The following ABCB6 variants were observed in gnomAD, a reference collection of about 807,000 sequenced individuals.
ABCB6 encodes ATP-binding cassette sub-family B member 6.
ABCB6 carries 87 observed loss-of-function variants against 99.4 expected under a neutral mutation model. That is an observed-to-expected ratio of 0.88 (90% CI 0.74 to 1.05). ABCB6 has a LOEUF of 1.05. Among genes scored for constraint, ABCB6 ranks in the 50% least tolerant of loss-of-function variants. The probability of loss-of-function intolerance (pLI) is 0.00; values close to 1 mark genes in which losing one functional copy is unlikely to be tolerated. For missense variants in ABCB6, 1,050 were observed against 1,097.9 expected (o/e 0.96, Z 0.62); for synonymous variants, 482 against 447.5 (o/e 1.08, Z -0.97).
chr2:219,212,923 T>G, intron 13 of ABCB6, 85 bp downstream of exon 13: 22 of 1,473,890 alleles, frequency 1.5e-5, no homozygotes, highest in Non-Finnish European at 2.1e-5. Flanking sequence ...GCTCTCTGAC[T>G]CCACAGCCTG....
Position 219,218,749 on chromosome 2 carries a change from G to A in ABCB6, c.-76C>T, listed in dbSNP as rs1574820251. 7.0e-7 allele frequency: 1 copy of A among 1,433,556 alleles called. No individual in the cohort carries two copies. Among genetic ancestry groups the A allele is most frequent in the East Asian group, 2.5e-5 (1 of 39,452 alleles). The allele number at this position is 1,433,556 out of a possible 1,614,324, so 88.8% of individuals were successfully genotyped here. A position where few individuals can be genotyped will look rare whatever the true frequency, so the allele number is the denominator to read the frequency against. ...CGGGACTGGTCACTCGGAGAGGGGC[G>A]CGGACATCCGGGTGCCTTGGCTCAC... On this transcript the variant is annotated 5_prime_UTR_variant, in exon 1 of 19. Coordinates refer to ENST00000265316, the MANE Select transcript of ABCB6 (RefSeq NM_005689.4).
At position 219,214,434 on chromosome 2, in the gene ABCB6, G is replaced by A. The variant is rs750611759; in HGVS notation, c.1341C>T (p.Asn447=). Residue 447 remains asparagine, a synonymous_variant, in exon 7 of 19, where the codon AAC becomes AAT. Coordinates refer to ENST00000265316, the MANE Select transcript of ABCB6 (RefSeq NM_005689.4). ...KFRRAMNTQE[N]ATRARAVDSL... ...AGTCCACTGCTCGTGCCCGGGTAGC[G>A]TTCTCCTGTGTGTTCATAGCACGAC... The A allele has an allele frequency of 4.3e-6, 7 of 1,614,160 alleles. No individual in the cohort carries two copies. Among genetic ancestry groups the A allele is most frequent in the East Asian group, 2.2e-5 (1 of 44,884 alleles).
chr2:219,214,872 A>G (rs1457699641), intron 6 of ABCB6, 89 bp downstream of exon 6: 17 of 1,526,994 alleles, frequency 1.1e-5, no homozygotes, highest in Non-Finnish European at 1.3e-5. Context: ...ACAGCCTCCC[A>G]TAGGTGGGTC....
intron 7 of ABCB6, 77 bp from the exon 8 acceptor site, chr2:219,214,263 CTCCT>C (rs1325787767): frequency 6.5e-7 from 1 of 1,530,838 alleles, no homozygotes; most frequent in Non-Finnish European, 9.1e-7. Flanking sequence ...ACTCTCAATC[CTCCT>C]TCCTGAGTTC....
In ABCB6 at chr2:219,210,760, G is replaced by A. The variant is rs1418283746; in HGVS notation, c.2207C>T (p.Ala736Val). Residue 736 changes from alanine (A) to valine (V), a missense_variant, in exon 16 of 19, where the codon GCC becomes GTC. Ala to Val is a moderately conservative substitution (Grantham distance 64). Transcript: ENST00000265316. ...KLSGGEKQRV[A>V]IARTILKAPG... is the part of the protein sequence containing the mutation. ...AGCCTTGAGGATGGTGCGGGCAATG[G>A]CGACGCGCTGCTTCTCCCCGCCGCT... is the stretch of plus-strand genomic sequence containing the variant. 2 of 1,613,658 alleles carry A rather than the reference G, an allele frequency of 1.2e-6. No individual in the cohort carries two copies. The highest frequency in any genetic ancestry group is 1.7e-6 in the Non-Finnish European group (2 of 1,180,030).
At position 219,214,302 on chromosome 2, in the gene ABCB6, C is replaced by A; in HGVS notation, c.1386+87G>T. On this transcript the variant is annotated intron_variant, in intron 7 of 18. Coordinates refer to ENST00000265316, the MANE Select transcript of ABCB6 (RefSeq NM_005689.4). ...CAAACATCACACACAAACATCACAC[C>A]CCCAGCTCTCTGTCAGCCCCAGTGG... 3 of 1,473,244 alleles carry A rather than the reference C, an allele frequency of 2.0e-6. No homozygotes were observed. In the South Asian group the frequency reaches 3.4e-5, roughly 17 times the overall value. The allele number at this position is 1,473,244 out of a possible 1,614,324, so 91.3% of individuals were successfully genotyped here.
intron 10 of ABCB6, 25 bp downstream of exon 10, chr2:219,213,564 CA>C (rs1460472980): frequency 6.2e-7 from 1 of 1,614,006 alleles, no homozygotes; most frequent in African/African-American, 1.3e-5. Flanking sequence ...GTGCCCTGGA[CA>C]GGTGAGGGCC....
chr2:219,213,968 A>G lies in ABCB6; in HGVS notation c.1453-17T>C. 1.9e-6 allele frequency: 3 copies of G among 1,614,024 alleles called. No individual in the cohort carries two copies. Among genetic ancestry groups the G allele is most frequent in the Non-Finnish European group, 2.5e-6 (3 of 1,180,000 alleles). On this transcript the variant is annotated splice_polypyrimidine_tract_variant and intron_variant, in intron 8 of 18. Coordinates refer to ENST00000265316, the MANE Select transcript of ABCB6 (RefSeq NM_005689.4). ...CTCCAAACCCTGAGGGCAATAACACAGGAAGAGGAATGTCCTATACACAAT... is the reference window on the plus strand; with the variant it reads ...CTCCAAACCCTGAGGGCAATAACACGGGAAGAGGAATGTCCTATACACAAT...
Position 219,209,887 on chromosome 2 carries a change from AT to A in ABCB6, c.*50del, listed in dbSNP as rs1295293590. Reference sequence around the variant, plus strand: ...GAAATAAGCCAGGGAAAGGAGACACATCTTATTCCCTTCTGGGTTAGTCTTT... The same window carrying A: ...GAAATAAGCCAGGGAAAGGAGACACACTTATTCCCTTCTGGGTTAGTCTTT... On this transcript the variant is annotated 3_prime_UTR_variant, in exon 19 of 19. Transcript: ENST00000265316. 7.3e-7 allele frequency: 1 copy of A among 1,370,500 alleles called. No individual in the cohort carries two copies. The highest frequency in any genetic ancestry group is 1.0e-6 in the Non-Finnish European group (1 of 957,826). 84.9% of individuals were successfully genotyped at this position (1,370,500 alleles called of 1,614,324 possible).
At chr2:219,217,839 T>C (rs1449844991) in intron 1 of ABCB6, 32 bp from the exon 2 acceptor site, 17 of 1,605,706 alleles carry the variant, frequency 1.1e-5, no homozygotes, top group African/African-American at 8.1e-5. Flanking sequence ...GAGAGTATCA[T>C]TGAGGATAAA....
chr2:219,217,717 AG>A lies in ABCB6; in HGVS notation c.639del (p.Tyr214IlefsTer36), dbSNP rs1359167425. 2 of 1,614,018 alleles carry A rather than the reference AG, an allele frequency of 1.2e-6. No homozygotes were observed. Among genetic ancestry groups the A allele is most frequent in the South Asian group, 2.2e-5 (2 of 91,084 alleles). ...TCCTCTTCATGAACCTGCAATGTAT[AG>A]GACTGGGGACGAAGTCCAGGGGCCC... ...GLWAPGLRPQ[S>X]YTLQVHEEDQ... On this transcript the variant is annotated frameshift_variant, in exon 2 of 19. Coordinates refer to ENST00000265316, the MANE Select transcript of ABCB6 (RefSeq NM_005689.4). LOFTEE classifies it high-confidence loss of function.
intron 14 of ABCB6, among the ~76,000 whole-genome samples, chr2:219,211,633 T>C (rs1445586714): frequency 6.7e-6 from 1 of 149,038 alleles, no homozygotes; most frequent in Non-Finnish European, 1.5e-5. Flanking sequence ...TTTTTTTTTT[T>C]TTTTTTTTGT....
In ABCB6 at chr2:219,216,162, C is replaced by CG; in HGVS notation, c.988dup (p.Arg330ProfsTer104). ...CTGCACCCGGATCCACAGGAAGGTG[C>CG]GCAGGTTGCTCACGAAGCCTGCAGG... On this transcript the variant is annotated frameshift_variant, in exon 5 of 19. Transcript: ENST00000265316. LOFTEE classifies it high-confidence loss of function. The surrounding 1 kb of genome is among the most constrained non-coding windows in gnomAD (Gnocchi z 4.2). 1 of 1,594,904 alleles carries CG rather than the reference C, an allele frequency of 6.3e-7. No individual in the cohort carries two copies. Among genetic ancestry groups the CG allele is most frequent in the Non-Finnish European group, 8.6e-7 (1 of 1,169,134 alleles).
intron 9 of ABCB6, 56 bp from the exon 10 acceptor site, chr2:219,213,722 T>C: frequency 6.2e-7 from 1 of 1,613,618 alleles, no homozygotes; most frequent in Non-Finnish European, 8.5e-7. Context: ...CCGCTCTTCT[T>C]GTGTCACCCT....
Position 219,216,910 on chromosome 2 carries a change from C to T in ABCB6, c.688-78G>A. 1 of 1,366,456 alleles carries T rather than the reference C, an allele frequency of 7.3e-7. No individual in the cohort carries two copies. The highest frequency in any genetic ancestry group is 2.5e-5 in the East Asian group (1 of 40,384). 84.6% of individuals were successfully genotyped at this position (1,366,456 alleles called of 1,614,324 possible). The stretch of plus-strand genomic sequence containing the variant: ...AGCCAGAAACCCTTCAGGGAAAAAC[C>T]TATGGGGTTACAGCTCCCAGGTATC... On this transcript the variant is annotated intron_variant, in intron 2 of 18. Transcript: ENST00000265316. This position sits in a 1 kb window ranked among gnomAD's most constrained non-coding sequence, Gnocchi z 4.2.
In ABCB6 at chr2:219,210,371, A is replaced by G; in HGVS notation, c.2351+10T>C. The G allele has an allele frequency of 1.9e-6, 3 of 1,614,242 alleles. No individual in the cohort carries two copies. Among genetic ancestry groups the G allele is most frequent in the Non-Finnish European group, 1.7e-6 (2 of 1,180,026 alleles). ...ACATCACCAGCCGCCCCAGGCCTGTAGTCCTGTACCTGTGTGCCACTACGA... is the reference window on the plus strand; with the variant it reads ...ACATCACCAGCCGCCCCAGGCCTGTGGTCCTGTACCTGTGTGCCACTACGA... On this transcript the variant is annotated intron_variant, in intron 17 of 18. Coordinates refer to ENST00000265316, the MANE Select transcript of ABCB6 (RefSeq NM_005689.4).
At chr2:219,211,493 G>A (rs1950578320) in intron 14 of ABCB6, among the ~76,000 whole-genome samples, 1 of 151,998 alleles carries the variant, frequency 6.6e-6, no homozygotes, top group South Asian at 2.1e-4. Flanking sequence ...GTTGAGATGG[G>A]GTTGCCAGGT....
Position 219,210,455 on chromosome 2 carries a change from T to C in ABCB6, c.2277A>G (p.Thr759=), listed in dbSNP as rs546932487. Residue 759 remains threonine (T), a synonymous_variant, in exon 17 of 19, where the codon ACA becomes ACG. Coordinates refer to ENST00000265316, the MANE Select transcript of ABCB6 (RefSeq NM_005689.4). ...AAGCCTGGATGGCCCTCTCATTAGA[T>C]GTATCCAGCGCTGACGTTGCCTATA... The part of the protein sequence containing the change: ...LLDEATSALD[T]SNERAIQASL... 62 of 1,614,182 alleles carry C rather than the reference T, an allele frequency of 3.8e-5. No homozygotes were observed. In the South Asian group the frequency reaches 6.4e-4, roughly 17 times the overall value.
chr2:219,211,764 A>AT (rs56903380), intron 14 of ABCB6, among the ~76,000 whole-genome samples: 102,794 of 132,998 alleles, frequency 0.77, 41,915 homozygotes, highest in Non-Finnish European at 0.9. Context: ...TGGCCAGCTA[A>AT]TTTTTTTTTT....
Sources: gnomAD v4.1 joint callset for allele counts (sites outside exome capture counted in the v4.1 genomes callset) on GRCh38, gnomAD v4.1.1 for gene constraint, Gnocchi (gnomAD v3.1) non-coding constraint, MANE v1.5 for transcripts, NCBI Gene and HGNC (gene_info 2026-07-23, HGNC 2026-07-21) for gene names.